Variants in CRIM1 observed in about 807,000 individuals in gnomAD.
The protein encoded by CRIM1 is cysteine rich transmembrane BMP regulator 1, also known as cysteine-rich motor neuron 1 protein.
A neutral mutation model predicts 116.4 loss-of-function variants in CRIM1; 32 were observed. The observed-to-expected ratio is 0.27, with a 90% CI of 0.21 to 0.37. The LOEUF (loss-of-function observed/expected upper bound fraction) is 0.37, where lower values mean the gene tolerates loss of function less well. CRIM1 is among the 10% of genes least tolerant of loss of function. The probability of loss-of-function intolerance (pLI) is 1.00; values close to 1 mark genes in which losing one functional copy is unlikely to be tolerated. For synonymous variants in CRIM1, 590 were observed against 509.2 expected, an observed-to-expected ratio of 1.16 and a Z score of -2.13; for missense variants, 1,331 against 1,354.8, an observed-to-expected ratio of 0.98 and a Z score of 0.28.
At chr2:36,360,184 T>A (rs1241022711) in intron 1 of CRIM1, among the ~76,000 whole-genome samples, 1 of 152,136 alleles carries the variant, frequency 6.6e-6, no homozygotes, top group African/African-American at 2.4e-5. Context: ...CTATAAGGAG[T>A]GAGGCAAGGT....
intron 4 of CRIM1, among the ~76,000 whole-genome samples, chr2:36,447,140 G>A (rs1260758951): frequency 6.6e-6 from 1 of 152,178 alleles, no homozygotes; most frequent in Non-Finnish European, 1.5e-5. Context: ...TTATAGGTAT[G>A]AGAATGGAGA....
At chr2:36,526,715 G>C (rs1161310016) in intron 13 of CRIM1, among the ~76,000 whole-genome samples, 2 of 152,162 alleles carry the variant, frequency 1.3e-5, no homozygotes, top group African/African-American at 4.8e-5. Context: ...AGGGGGGACC[G>C]TGAGTCTTTC....
chr2:36,473,790 G>A (rs147327570), intron 5 of CRIM1, among the ~76,000 whole-genome samples: 6 of 152,158 alleles, frequency 3.9e-5, no homozygotes, highest in South Asian at 2.1e-4. Flanking sequence ...ATTTAGGTTC[G>A]TTCTTTCTTG....
At position 36,380,451 on chromosome 2, in the gene CRIM1, A is replaced by G. The variant is rs3770948; in HGVS notation, c.332-16163A>G. ...AGCTCCAGAGGGTGACCTTGATAGG[A>G]TGCACATCCTGGAGCTTAATTTCAT... On this transcript the variant is annotated intron_variant, in intron 1 of 16. Transcript: ENST00000280527. 5.3e-5 allele frequency among the ~76,000 whole-genome samples: 8 copies of G among 152,244 alleles called. No homozygotes were observed. In the East Asian group the frequency reaches 1.5e-3, roughly 29 times the overall value.
chr2:36,529,574 A>G (rs1665979243), intron 13 of CRIM1: 1 of 169,644 alleles, frequency 5.9e-6, no homozygotes, highest in Non-Finnish European at 1.3e-5. Flanking sequence ...ATGACATGAG[A>G]CCACATTTAA....
chr2:36,543,729 A>G (rs1391969857), intron 14 of CRIM1, among the ~76,000 whole-genome samples: 1 of 152,034 alleles, frequency 6.6e-6, no homozygotes, highest in Non-Finnish European at 1.5e-5. Context: ...TGAGATAAAT[A>G]ATATTCTTCT....
intron 1 of CRIM1, among the ~76,000 whole-genome samples, chr2:36,384,370 A>G (rs1237791189): frequency 6.6e-6 from 1 of 152,240 alleles, no homozygotes; most frequent in Non-Finnish European, 1.5e-5. Context: ...CCCTGTGGTC[A>G]GGAGAGTGCC....
At chr2:36,458,811 G>C (rs1302291521) in intron 4 of CRIM1, among the ~76,000 whole-genome samples, 1 of 152,152 alleles carries the variant, frequency 6.6e-6, no homozygotes, top group Non-Finnish European at 1.5e-5. Context: ...TTTATATTTA[G>C]AGAAGAGTTT....
chr2:36,439,999 A>G (rs1411168289), intron 2 of CRIM1, among the ~76,000 whole-genome samples: 2 of 152,204 alleles, frequency 1.3e-5, no homozygotes, highest in East Asian at 3.8e-4. Context: ...AGTCTCCTAT[A>G]TTATGTCTTA....
At chr2:36,530,686 G>A (rs761669672) in intron 13 of CRIM1, among the ~76,000 whole-genome samples, 3 of 152,008 alleles carry the variant, frequency 2.0e-5, no homozygotes, top group South Asian at 4.2e-4. Context: ...CTTTTCTACC[G>A]CTCCCCTTTC....
chr2:36,549,551 C>CTGTT lies in CRIM1; in HGVS notation c.*855_*858dup, dbSNP rs545597248. ...AGGCATTTCCAGGGGCTATATTTCA[C>CTGTT]TGTTTGTTGTTGCTTTGTTCTGTTA... On this transcript the variant is annotated 3_prime_UTR_variant, in exon 17 of 17. Coordinates refer to ENST00000280527, the MANE Select transcript of CRIM1 (RefSeq NM_016441.3). The CTGTT allele has an allele frequency of 1.7e-3, 263 of 152,386 alleles. 2 individuals are homozygous for CTGTT. The highest frequency in any genetic ancestry group is 3.9e-3 in the East Asian group (20 of 5,156). The allele number at this position is 152,386 out of a possible 1,614,324, so 9.4% of individuals were successfully genotyped here.
chr2:36,413,819 T>C (rs369864063), intron 2 of CRIM1, among the ~76,000 whole-genome samples: 3 of 152,340 alleles, frequency 2.0e-5, no homozygotes, highest in East Asian at 3.9e-4. Context: ...CATACACTTG[T>C]AAAGTGTATG....
intron 7 of CRIM1, among the ~76,000 whole-genome samples, chr2:36,496,190 G>GAGAT (rs1028164327): frequency 4.6e-5 from 7 of 152,184 alleles, no homozygotes; most frequent in African/African-American, 1.7e-4. Flanking sequence ...GTAGGAAAAT[G>GAGAT]AGATGTATTT....
chr2:36,420,193 G>A (rs1673941011), intron 2 of CRIM1, among the ~76,000 whole-genome samples: 1 of 152,034 alleles, frequency 6.6e-6, no homozygotes, highest in African/African-American at 2.4e-5. Flanking sequence ...ATGTTAGTTT[G>A]GTTCATTTGT....
intron 4 of CRIM1, among the ~76,000 whole-genome samples, chr2:36,447,663 G>A (rs1310566030): frequency 6.6e-6 from 1 of 152,184 alleles, no homozygotes; most frequent in African/African-American, 2.4e-5. Flanking sequence ...ATGTTCTGTT[G>A]GTCAAAGGAA....
intron 13 of CRIM1, among the ~76,000 whole-genome samples, chr2:36,528,313 C>T (rs534756787): frequency 6.6e-6 from 1 of 152,326 alleles, no homozygotes; most frequent in Non-Finnish European, 1.5e-5. Flanking sequence ...GTACCTCATC[C>T]TGCCTGCTCC....
At chr2:36,442,809 G>A (rs145450982) in intron 4 of CRIM1, 74 bp downstream of exon 4, 1 of 1,573,614 alleles carries the variant, frequency 6.4e-7, no homozygotes, top group East Asian at 2.2e-5. Flanking sequence ...TGAGCATGCA[G>A]TTTGTTTTCC....
intron 2 of CRIM1, among the ~76,000 whole-genome samples, chr2:36,422,423 T>C (rs140473059): frequency 1.0e-3 from 157 of 152,224 alleles, no homozygotes; most frequent in Admixed American, 2.1e-3. Flanking sequence ...AATTGAATAG[T>C]TTTAAGTGCC....
intron 2 of CRIM1, among the ~76,000 whole-genome samples, chr2:36,409,736 T>G (rs555551022): frequency 1.3e-5 from 2 of 152,272 alleles, no homozygotes; most frequent in African/African-American, 2.4e-5. Flanking sequence ...ATATGTTTAC[T>G]TCTAGAATTG....
Sources: allele counts gnomAD v4.1 joint callset (sites outside exome capture counted in the v4.1 genomes callset), GRCh38; gene constraint gnomAD v4.1.1; transcripts MANE v1.5; gene names NCBI Gene and HGNC (gene_info 2026-07-23, HGNC 2026-07-21).